The following TMEFF2 variants were observed in gnomAD, a reference collection of about 807,000 sequenced individuals.
TMEFF2 encodes tomoregulin-2.
TMEFF2 carries 28 observed loss-of-function variants against 53.8 expected under a neutral mutation model. That is an observed-to-expected ratio of 0.52 (90% CI 0.39 to 0.71). The LOEUF (loss-of-function observed/expected upper bound fraction) is 0.71. Ranked by LOEUF, TMEFF2 falls within the 30% of genes least tolerant of loss-of-function variation. TMEFF2 has a pLI of 0.00. For missense variants in TMEFF2, 353 were observed against 455.2 expected (o/e 0.78, Z 2.04); for synonymous variants, 162 against 166.3 (o/e 0.97, Z 0.20).
At chr2:192,192,059 T>C (rs1226649255) in intron 1 of TMEFF2, 70 bp from the exon 2 acceptor site, 1 of 1,097,100 alleles carries the variant, frequency 9.1e-7, no homozygotes, top group African/African-American at 1.6e-5. Context: ...AAGCACTACT[T>C]TGAAGCTTTA....
rs1295205806 is a variant in TMEFF2, at chr2:191,963,829, G to A, written c.746-7451C>T. Reference sequence around the variant, plus strand: ...CTTAAGACAAGATGATAGTAATTATGTCTTAAATTACTTGAGAATCTTACA... The same window carrying A: ...CTTAAGACAAGATGATAGTAATTATATCTTAAATTACTTGAGAATCTTACA... On this transcript the variant is annotated intron_variant, in intron 7 of 9. Coordinates refer to ENST00000272771, the MANE Select transcript of TMEFF2 (RefSeq NM_016192.4). Among the ~76,000 whole-genome samples the A allele has an allele frequency of 2.0e-5, 3 of 152,174 alleles. No individual in the cohort carries two copies. In the East Asian group the frequency reaches 5.8e-4, roughly 29 times the overall value.
At chr2:192,072,006 A>C (rs902795351) in intron 4 of TMEFF2, among the ~76,000 whole-genome samples, 2 of 151,898 alleles carry the variant, frequency 1.3e-5, no homozygotes, top group Non-Finnish European at 2.9e-5. Flanking sequence ...TTCAAATAAG[A>C]AGCAGTTTAT....
At position 192,049,322 on chromosome 2, in the gene TMEFF2, G is replaced by A. The variant is rs560468433; in HGVS notation, c.536+8357C>T. ...TGGGAAGTTTGATTAACCTGTCTGT[G>A]CCTCAGTTTTCTGTTTTGTAACATG... On this transcript the variant is annotated intron_variant, in intron 5 of 9. Transcript: ENST00000272771. 3.9e-5 allele frequency among the ~76,000 whole-genome samples: 6 copies of A among 152,292 alleles called. No individual in the cohort carries two copies. The East Asian group carries it at 1.2e-3, about 29-fold the overall frequency.
intron 7 of TMEFF2, among the ~76,000 whole-genome samples, chr2:191,988,819 A>C (rs1328948832): frequency 6.6e-6 from 1 of 152,086 alleles, no homozygotes; most frequent in Non-Finnish European, 1.5e-5. Context: ...TTTTTTGAAA[A>C]TCATGTGAAA....
intron 4 of TMEFF2, among the ~76,000 whole-genome samples, chr2:192,067,749 G>A (rs1171442464): frequency 6.6e-6 from 1 of 151,854 alleles, no homozygotes; most frequent in African/African-American, 2.4e-5. Context: ...TGCCAATTGA[G>A]TTAACTTTAA....
In TMEFF2 at chr2:191,953,741, G is replaced by A. The variant is rs147945335; in HGVS notation, c.966C>T (p.Ile322=). The A allele has an allele frequency of 7.6e-5, 123 of 1,614,040 alleles. No homozygotes were observed. The highest frequency in any genetic ancestry group is 9.2e-5 in the Non-Finnish European group (109 of 1,180,016). Residue 322 remains isoleucine (I), a synonymous_variant, in exon 9 of 10, where the codon ATC becomes ATT. Transcript: ENST00000272771. ...TCTGAATTGTTCCAATCACAGCTGCGATTAAGACATACTGAAATCGTACAG... is the reference window on the plus strand; with the variant it reads ...TCTGAATTGTTCCAATCACAGCTGCAATTAAGACATACTGAAATCGTACAG... ...PGPVRFQYVL[I]AAVIGTIQIA... is the part of the protein sequence containing the mutation.
intron 5 of TMEFF2, chr2:192,032,283 C>A (rs972781002): frequency 6.6e-6 from 1 of 152,140 alleles, no homozygotes; most frequent in Non-Finnish European, 1.5e-5. Context: ...AAAACAGACT[C>A]AGCCTAGTGA....
intron 4 of TMEFF2, among the ~76,000 whole-genome samples, chr2:192,152,982 G>C (rs1690423500): frequency 6.6e-6 from 1 of 151,748 alleles, no homozygotes; most frequent in Non-Finnish European, 1.5e-5. Flanking sequence ...TTTTATGCAT[G>C]AAGATATTAG....
chr2:192,025,710 G>T (rs1686955839), intron 5 of TMEFF2, among the ~76,000 whole-genome samples: 2 of 152,208 alleles, frequency 1.3e-5, no homozygotes, highest in Admixed American at 1.3e-4. Context: ...ATTTAGAATT[G>T]CATAAACAGA....
intron 7 of TMEFF2, among the ~76,000 whole-genome samples, chr2:191,967,654 C>T (rs1383205396): frequency 2.0e-5 from 3 of 152,108 alleles, no homozygotes; most frequent in Non-Finnish European, 4.4e-5. Flanking sequence ...TCTTACCTCT[C>T]GCAGGCTTTG....
chr2:192,180,790 G>A (rs1691167560), intron 3 of TMEFF2, among the ~76,000 whole-genome samples: 1 of 151,742 alleles, frequency 6.6e-6, no homozygotes, highest in African/African-American at 2.4e-5. Flanking sequence ...TATGGAAGAA[G>A]GAAGGCCTTC....
At chr2:192,108,713 CTG>C (rs1689207628) in intron 4 of TMEFF2, among the ~76,000 whole-genome samples, 1 of 151,938 alleles carries the variant, frequency 6.6e-6, no homozygotes, top group South Asian at 2.1e-4. Flanking sequence ...CTAAAAATAA[CTG>C]AGAACAATTA....
chr2:192,158,788 G>C (rs1033188120), intron 4 of TMEFF2, among the ~76,000 whole-genome samples: 1 of 152,066 alleles, frequency 6.6e-6, no homozygotes, highest in African/African-American at 2.4e-5. Context: ...ATTGTGCATC[G>C]TATGCTTGTC....
At chr2:192,061,472 G>C (rs965104293) in intron 4 of TMEFF2, among the ~76,000 whole-genome samples, 2 of 152,080 alleles carry the variant, frequency 1.3e-5, no homozygotes, top group African/African-American at 4.8e-5. Flanking sequence ...ATCTAGAGAT[G>C]ATTTAAATTA....
intron 4 of TMEFF2, among the ~76,000 whole-genome samples, chr2:192,155,500 A>T (rs567596940): frequency 6.6e-6 from 1 of 152,096 alleles, no homozygotes; most frequent in Non-Finnish European, 1.5e-5. Flanking sequence ...TAGACTCTTC[A>T]AGATAGGCAT....
chr2:192,188,445 C>T (rs775921484), intron 2 of TMEFF2, among the ~76,000 whole-genome samples: 23 of 152,218 alleles, frequency 1.5e-4, no homozygotes, highest in Admixed American at 1.3e-4. Flanking sequence ...ATCGGTATAG[C>T]ACCAAGCCTT....
At chr2:192,174,158 C>T (rs927749821) in intron 4 of TMEFF2, among the ~76,000 whole-genome samples, 1 of 151,718 alleles carries the variant, frequency 6.6e-6, no homozygotes, top group African/African-American at 2.4e-5. Context: ...ATACTACACA[C>T]AATGATTAAC....
At chr2:192,129,602 G>A (rs1464500554) in intron 4 of TMEFF2, among the ~76,000 whole-genome samples, 1 of 152,138 alleles carries the variant, frequency 6.6e-6, no homozygotes, top group Non-Finnish European at 1.5e-5. Context: ...TATTAAATAT[G>A]AAAATAGTGC....
intron 4 of TMEFF2, among the ~76,000 whole-genome samples, chr2:192,104,404 G>A (rs948665615): frequency 6.6e-6 from 1 of 151,930 alleles, no homozygotes; most frequent in African/African-American, 2.4e-5. Flanking sequence ...CTACATAAGA[G>A]GTTTTCTTTT....
Sources: gnomAD v4.1 joint callset for allele counts (sites outside exome capture counted in the v4.1 genomes callset) on GRCh38, gnomAD v4.1.1 for gene constraint, MANE v1.5 for transcripts, NCBI Gene and HGNC (gene_info 2026-07-23, HGNC 2026-07-21) for gene names.